Variants in PTPRK observed in about 807,000 individuals in gnomAD.
PTPRK encodes protein tyrosine phosphatase receptor type K.
PTPRK carries 75 observed loss-of-function variants against 178.0 expected under a neutral mutation model. That is an observed-to-expected ratio of 0.42 (90% CI 0.35 to 0.51). The LOEUF is 0.51. Ranked by LOEUF, PTPRK falls within the 20% of genes least tolerant of loss-of-function variation. The pLI is 0.02. For missense variants in PTPRK, 1,441 were observed against 1,797.8 expected (o/e 0.80, Z 3.59); for synonymous variants, 637 against 620.6 (o/e 1.03, Z -0.39).
intron 13 of PTPRK, among the ~76,000 whole-genome samples, chr6:128,056,526 G>A (rs1254027485): frequency 6.6e-6 from 1 of 151,708 alleles, no homozygotes; most frequent in Non-Finnish European, 1.5e-5. Context: ...CCGGGTTCAA[G>A]CTCTTCTCCT....
intron 6 of PTPRK, among the ~76,000 whole-genome samples, chr6:128,187,769 T>C (rs897160459): frequency 6.6e-6 from 1 of 152,162 alleles, no homozygotes; most frequent in Admixed American, 6.6e-5. Flanking sequence ...AATGTGGCAA[T>C]GTTAAGAGAG....
intron 1 of PTPRK, chr6:128,501,196 G>C (rs1362674393): frequency 6.6e-6 from 1 of 152,148 alleles, no homozygotes; most frequent in South Asian, 2.1e-4. Flanking sequence ...TGTTTAAACT[G>C]TAAAGTTTGG....
At chr6:128,403,922 A>C (rs923683252) in intron 1 of PTPRK, among the ~76,000 whole-genome samples, 9 of 151,948 alleles carry the variant, frequency 5.9e-5, no homozygotes, top group Non-Finnish European at 1.0e-4. Context: ...TAACTACAAA[A>C]CTCTTGTCAT....
intron 7 of PTPRK, among the ~76,000 whole-genome samples, chr6:128,108,204 G>A (rs943767931): frequency 3.3e-5 from 5 of 151,224 alleles, no homozygotes; most frequent in African/African-American, 1.2e-4. Context: ...TTTAAAAATC[G>A]TACTAAGTTT....
intron 7 of PTPRK, among the ~76,000 whole-genome samples, chr6:128,171,822 C>T (rs561145760): frequency 5.3e-5 from 8 of 151,972 alleles, no homozygotes; most frequent in South Asian, 2.1e-4. Flanking sequence ...ATAAAGGTAA[C>T]ATTTACCCCA....
chr6:127,977,171 A>G, intron 25 of PTPRK, 117 bp from the exon 26 acceptor site: 1 of 974,134 alleles, frequency 1.0e-6, no homozygotes, highest in Non-Finnish European at 1.6e-6. Flanking sequence ...CTTCATATGC[A>G]GAAGGAGCCA....
intron 4 of PTPRK, among the ~76,000 whole-genome samples, chr6:128,240,690 C>T (rs1214597286): frequency 1.3e-5 from 2 of 152,058 alleles, no homozygotes; most frequent in Non-Finnish European, 2.9e-5. Context: ...AATATTTTTG[C>T]TTCTCAGAAA....
chr6:128,173,156 G>A (rs754933157), intron 7 of PTPRK, among the ~76,000 whole-genome samples: 2 of 151,938 alleles, frequency 1.3e-5, no homozygotes, highest in Non-Finnish European at 2.9e-5. Flanking sequence ...ACCCATTCTG[G>A]GGAACAATTA....
chr6:128,076,445 G>C (rs887616133), intron 11 of PTPRK, among the ~76,000 whole-genome samples: 1 of 151,930 alleles, frequency 6.6e-6, no homozygotes, highest in Non-Finnish European at 1.5e-5. Flanking sequence ...GGTGAACTGG[G>C]TAAGTCATTA....
Position 127,973,676 on chromosome 6 carries a change from A to G in PTPRK, c.4121T>C (p.Ile1374Thr). The G allele has an allele frequency of 6.2e-7, 1 of 1,613,690 alleles. No individual in the cohort carries two copies. The highest frequency in any genetic ancestry group is 8.5e-7 in the Non-Finnish European group (1 of 1,179,928). The change falls in exon 28 of 30, where the codon ATT (isoleucine) becomes ACT (threonine). Residue 1374 changes from isoleucine (I) to threonine (T), a missense_variant. Physicochemically the swap from Ile to Thr is moderately conservative, Grantham distance 89. This residue lies in a region of PTPRK where 335 missense variants were observed against 512.4 expected (regional missense o/e 0.65). Coordinates refer to ENST00000368226, the MANE Select transcript of PTPRK (RefSeq NM_002844.4). ...EECEEGEGRT[I>T]IHCLNGGGRS... ...CTGCCCTACTCACAGGCAGTGGATA[A>G]TCGTCCGGCCTTCCCCTTCCTCGCA... is the stretch of plus-strand genomic sequence containing the variant.
intron 1 of PTPRK, among the ~76,000 whole-genome samples, chr6:128,485,002 ACTGAGGTCT>A (rs1328822830): frequency 6.6e-6 from 1 of 152,216 alleles, no homozygotes; most frequent in Non-Finnish European, 1.5e-5. Context: ...AATGCATTAG[ACTGAGGTCT>A]CTGAACCCAC....
intron 6 of PTPRK, among the ~76,000 whole-genome samples, chr6:128,186,673 CAACTATG>C (rs1229089176): frequency 7.9e-5 from 12 of 152,114 alleles, no homozygotes. Context: ...TTTCACTTAT[CAACTATG>C]AAAGACAGAG....
intron 7 of PTPRK, among the ~76,000 whole-genome samples, chr6:128,162,346 T>C (rs150857539): frequency 1.7e-4 from 26 of 151,790 alleles, no homozygotes; most frequent in African/African-American, 6.0e-4. Flanking sequence ...CTCTGTGTCT[T>C]TGCGTGTGTT....
rs143729853 is a variant in PTPRK, at chr6:128,055,535, T to C, written c.2194+9223A>G. On this transcript the variant is annotated intron_variant, in intron 13 of 29. Transcript: ENST00000368226. Reference sequence around the variant, plus strand: ...TTTTTCTATCTCCTCTTCATTTTCTTAATGTCTTTGTATTCGCCATGATTA... The same window carrying C: ...TTTTTCTATCTCCTCTTCATTTTCTCAATGTCTTTGTATTCGCCATGATTA... Among the ~76,000 whole-genome samples, 60 of 152,326 alleles carry C rather than the reference T, an allele frequency of 3.9e-4. 1 individual carries two copies. The highest frequency in any genetic ancestry group is 1.3e-4 in the Non-Finnish European group (9 of 68,016).
At chr6:128,026,410 G>T (rs1399797775) in intron 13 of PTPRK, among the ~76,000 whole-genome samples, 1 of 152,158 alleles carries the variant, frequency 6.6e-6, no homozygotes, top group East Asian at 1.9e-4. Context: ...GGTTGTATTT[G>T]AAAGAGGGAT....
At chr6:128,162,640 G>A (rs1026890061) in intron 7 of PTPRK, among the ~76,000 whole-genome samples, 1 of 151,750 alleles carries the variant, frequency 6.6e-6, no homozygotes, top group Non-Finnish European at 1.5e-5. Context: ...GAAAGAAAGA[G>A]CAGACATACT....
chr6:128,405,630 T>G (rs1316562179), intron 1 of PTPRK, among the ~76,000 whole-genome samples: 1 of 152,328 alleles, frequency 6.6e-6, no homozygotes, highest in African/African-American at 2.4e-5. Context: ...TGTTTTGTTT[T>G]GTTTTGTTTC....
chr6:128,014,971 CT>C (rs1171928058), intron 13 of PTPRK, among the ~76,000 whole-genome samples: 1 of 151,580 alleles, frequency 6.6e-6, no homozygotes, highest in Non-Finnish European at 1.5e-5. Context: ...ATAATTTATT[CT>C]CCTTTAATAA....
At chr6:128,352,988 T>C (rs113461764) in intron 2 of PTPRK, among the ~76,000 whole-genome samples, 2 of 152,272 alleles carry the variant, frequency 1.3e-5, no homozygotes, top group Non-Finnish European at 2.9e-5. Flanking sequence ...TTATTTACCA[T>C]ACTAAATACA....
Sources: gnomAD v4.1 joint callset for allele counts (sites outside exome capture counted in the v4.1 genomes callset) on GRCh38, gnomAD v4.1.1 for gene constraint, gnomAD v4.1.1 regional missense constraint, MANE v1.5 for transcripts, NCBI Gene and HGNC (gene_info 2026-07-23, HGNC 2026-07-21) for gene names.